Variants in LPP observed in about 807,000 individuals in gnomAD.
LPP encodes the protein lipoma-preferred partner.
A neutral mutation model predicts 60.4 loss-of-function variants in LPP; 38 were observed. The ratio of observed to expected loss-of-function variants is 0.63; its 90% CI spans 0.49 to 0.83. The LOEUF (loss-of-function observed/expected upper bound fraction) is 0.83, where lower values mean the gene tolerates loss of function less well. Ranked by LOEUF, LPP falls within the 40% of genes least tolerant of loss-of-function variation. The probability of loss-of-function intolerance (pLI) is 0.00; values close to 1 mark genes in which losing one functional copy is unlikely to be tolerated. For synonymous variants in LPP, 328 were observed against 290.8 expected (o/e 1.13, Z -1.30); for missense variants, 902 against 783.6 (o/e 1.15, Z -1.80).
chr3:188,525,362 T>G (rs919877113), intron 6 of LPP, among the ~76,000 whole-genome samples: 4 of 152,250 alleles, frequency 2.6e-5, no homozygotes, highest in African/African-American at 9.6e-5. Flanking sequence ...TTTCTTAAAT[T>G]GACTCTTTGA....
rs540456600 is a variant in LPP at position 188,360,594 on chromosome 3, C to T, written c.-10+18875C>T. ...CTGGTCTTGAATTCCTAGGCTCAAG[C>T]GATCCTCCCATTGAAGCCTTCCAAA... On this transcript the variant is annotated intron_variant, in intron 3 of 11. Coordinates refer to ENST00000617246, the MANE Select transcript of LPP (RefSeq NM_001375462.1). Among the ~76,000 whole-genome samples the T allele has an allele frequency of 7.2e-5, 11 of 152,112 alleles. No individual in the cohort carries two copies. The East Asian group carries it at 1.4e-3, about 19-fold the overall frequency.
intron 10 of LPP, among the ~76,000 whole-genome samples, chr3:188,872,183 A>C (rs2152044675): frequency 6.6e-6 from 1 of 152,292 alleles, no homozygotes; most frequent in Non-Finnish European, 1.5e-5. Flanking sequence ...AATTTCCAAG[A>C]AAGAAGCTCT....
rs1434952300 is a variant in LPP, at chr3:188,462,599, T to A, written c.194-21993T>A. ...ATATATATATATGCATGTGTGTGTG[T>A]GTGTGTGTGTGTGTGTGTGTGTGTG... On this transcript the variant is annotated intron_variant, in intron 4 of 11. Coordinates refer to ENST00000617246, the MANE Select transcript of LPP (RefSeq NM_001375462.1). 2.1e-5 allele frequency among the ~76,000 whole-genome samples: 2 copies of A among 96,848 alleles called. 1 individual carries two copies. Among genetic ancestry groups the A allele is most frequent in the Non-Finnish European group, 4.3e-5 (2 of 46,664 alleles). The allele number at this position is 96,848 out of a possible 152,430, so 63.5% of individuals were successfully genotyped here. A position where few individuals can be genotyped will look rare whatever the true frequency, so the allele number is the denominator to read the frequency against.
At chr3:188,557,291 C>G (rs1480384387) in intron 6 of LPP, among the ~76,000 whole-genome samples, 1 of 151,964 alleles carries the variant, frequency 6.6e-6, no homozygotes, top group Non-Finnish European at 1.5e-5. Flanking sequence ...ATTTACAAAC[C>G]TGAAATAAAG....
chr3:188,749,293 A>G (rs1727307092), intron 8 of LPP, among the ~76,000 whole-genome samples: 1 of 152,134 alleles, frequency 6.6e-6, no homozygotes, highest in Non-Finnish European at 1.5e-5. Context: ...TGAGAGCCCA[A>G]AGGCTCTCAG....
intron 4 of LPP, among the ~76,000 whole-genome samples, chr3:188,438,604 T>C (rs778702936): frequency 1.3e-5 from 2 of 152,166 alleles, no homozygotes; most frequent in African/African-American, 2.4e-5. Flanking sequence ...GATTAAACTA[T>C]GGAGGCAGGC....
intron 9 of LPP, among the ~76,000 whole-genome samples, chr3:188,862,479 A>G (rs1246642409): frequency 6.6e-6 from 1 of 152,096 alleles, no homozygotes; most frequent in African/African-American, 2.4e-5. Flanking sequence ...ATGAGTAGGC[A>G]TTCTCTAAGC....
chr3:188,566,280 A>ACTTT (rs1322859626), intron 6 of LPP, among the ~76,000 whole-genome samples: 2 of 151,902 alleles, frequency 1.3e-5, no homozygotes, highest in Non-Finnish European at 2.9e-5. Flanking sequence ...TCATATCTTG[A>ACTTT]CTTTCATATG....
At chr3:188,245,732 C>T (rs771113803) in intron 2 of LPP, among the ~76,000 whole-genome samples, 2 of 151,614 alleles carry the variant, frequency 1.3e-5, no homozygotes, top group Non-Finnish European at 2.9e-5. Context: ...TTTGTAGACA[C>T]GAGGTCTCAC....
At chr3:188,542,897 C>T (rs575976093) in intron 6 of LPP, among the ~76,000 whole-genome samples, 1 of 152,290 alleles carries the variant, frequency 6.6e-6, no homozygotes, top group East Asian at 1.9e-4. Flanking sequence ...CTTCCACTCT[C>T]AATGTCTGTG....
Position 188,874,550 on chromosome 3 carries a change from G to C in LPP, c.*71G>C. ...AAAAGATAAGAAATACTAGAGTAAA[G>C]GCCATCAAACTACGCGATAGTCTCT... On this transcript the variant is annotated 3_prime_UTR_variant, in exon 12 of 12. Transcript: ENST00000617246. The C allele has an allele frequency of 1.3e-6, 2 of 1,546,132 alleles. No individual in the cohort carries two copies. Among genetic ancestry groups the C allele is most frequent in the Non-Finnish European group, 1.8e-6 (2 of 1,131,694 alleles).
chr3:188,559,058 A>G (rs1830102842), intron 6 of LPP, among the ~76,000 whole-genome samples: 1 of 152,092 alleles, frequency 6.6e-6, no homozygotes, highest in African/African-American at 2.4e-5. Flanking sequence ...GTCTAGCTAT[A>G]TGACCTTGAA....
At chr3:188,159,402 G>T (rs947251163) in intron 1 of LPP, among the ~76,000 whole-genome samples, 9 of 152,180 alleles carry the variant, frequency 5.9e-5, no homozygotes, top group African/African-American at 1.7e-4. Context: ...ACCCCAGGAT[G>T]TTCAGTAGCT....
At chr3:188,806,588 TG>T (rs1749214940) in intron 9 of LPP, among the ~76,000 whole-genome samples, 1 of 151,954 alleles carries the variant, frequency 6.6e-6, no homozygotes, top group African/African-American at 2.4e-5. Flanking sequence ...AATCAGCTTT[TG>T]TTACTTTTCC....
intron 6 of LPP, among the ~76,000 whole-genome samples, chr3:188,606,381 G>C (rs575070261): frequency 6.6e-6 from 1 of 152,120 alleles, no homozygotes; most frequent in South Asian, 2.1e-4. Flanking sequence ...TAGTTTCCTA[G>C]GGATCTCATA....
chr3:188,452,040 A>G (rs1424246492), intron 4 of LPP, among the ~76,000 whole-genome samples: 2 of 152,146 alleles, frequency 1.3e-5, no homozygotes, highest in African/African-American at 4.8e-5. Flanking sequence ...GTGTGTTTTC[A>G]GAGAGAAACA....
At chr3:188,479,610 A>G (rs888481936) in intron 4 of LPP, among the ~76,000 whole-genome samples, 1 of 152,256 alleles carries the variant, frequency 6.6e-6, no homozygotes, top group Non-Finnish European at 1.5e-5. Context: ...GCATATAAAG[A>G]TAAATCATGA....
chr3:188,804,243 T>TTATATATA (rs60989319), intron 9 of LPP, among the ~76,000 whole-genome samples: 1,663 of 37,528 alleles, frequency 0.044, 110 homozygotes, highest in Non-Finnish European at 0.049. Context: ...TAGTGCATCT[T>TTATATATA]TATATATATA....
At chr3:188,359,717 C>T (rs1768711494) in intron 3 of LPP, among the ~76,000 whole-genome samples, 1 of 152,134 alleles carries the variant, frequency 6.6e-6, no homozygotes, top group African/African-American at 2.4e-5. Flanking sequence ...ATCATGTTGT[C>T]TTACAACTTG....
Sources: gnomAD v4.1 joint callset for allele counts (sites outside exome capture counted in the v4.1 genomes callset) on GRCh38, gnomAD v4.1.1 for gene constraint, MANE v1.5 for transcripts, NCBI Gene and HGNC (gene_info 2026-07-23, HGNC 2026-07-21) for gene names.